The following VAPB variants were observed in gnomAD, a reference collection of about 807,000 sequenced individuals.
The protein encoded by VAPB is vesicle-associated membrane protein-associated protein B/C.
A neutral mutation model predicts 25.6 loss-of-function variants in VAPB; 7 were observed. The ratio of observed to expected loss-of-function variants is 0.27; its 90% CI spans 0.16 to 0.51. The LOEUF is 0.51. VAPB is among the 20% of genes least tolerant of loss of function. VAPB has a pLI of 0.97. For missense variants in VAPB, 266 were observed against 301.3 expected (o/e 0.88, Z 0.87); for synonymous variants, 112 against 109.2 (o/e 1.03, Z -0.16).
intron 1 of VAPB, among the ~76,000 whole-genome samples, chr20:58,394,321 T>G (rs1407385026): frequency 1.3e-5 from 2 of 152,252 alleles, no homozygotes; most frequent in East Asian, 1.9e-4. Flanking sequence ...TAAGATTGTT[T>G]AGGAAGTTAA....
intron 1 of VAPB, among the ~76,000 whole-genome samples, chr20:58,409,539 T>G (rs1367836688): frequency 6.6e-6 from 1 of 152,164 alleles, no homozygotes; most frequent in African/African-American, 2.4e-5. Flanking sequence ...AAGGTAATCT[T>G]TTTAGAGTTG....
chr20:58,435,559 C>T (rs987314636), intron 3 of VAPB, among the ~76,000 whole-genome samples: 1 of 152,198 alleles, frequency 6.6e-6, no homozygotes, highest in Admixed American at 6.5e-5. Context: ...CTGTTCATCA[C>T]ACCATACTGC....
intron 2 of VAPB, among the ~76,000 whole-genome samples, chr20:58,430,636 C>T (rs1347147347): frequency 6.6e-6 from 1 of 151,388 alleles, no homozygotes; most frequent in Non-Finnish European, 1.5e-5. Flanking sequence ...AGTGCAGTGG[C>T]GCCGTCTTGG....
chr20:58,427,828 AC>A (rs1988836543), intron 2 of VAPB, among the ~76,000 whole-genome samples: 1 of 151,508 alleles, frequency 6.6e-6, no homozygotes, highest in African/African-American at 2.4e-5. Flanking sequence ...GTGATCTGTT[AC>A]CATTATGATG....
intron 4 of VAPB, chr20:58,439,509 TTGATATTTGG>T (rs1989116413): frequency 5.3e-6 from 1 of 186,944 alleles, no homozygotes; most frequent in Non-Finnish European, 1.1e-5. Context: ...CTCAACACTG[TTGATATTTGG>T]GGCAAATCCT....
chr20:58,422,044 A>G (rs892576022), intron 2 of VAPB, among the ~76,000 whole-genome samples: 3 of 152,226 alleles, frequency 2.0e-5, no homozygotes, highest in Non-Finnish European at 4.4e-5. Flanking sequence ...ACAGTTGGAC[A>G]CAGGCATAAC....
chr20:58,423,281 C>T (rs1402047883), intron 2 of VAPB, among the ~76,000 whole-genome samples: 1 of 151,664 alleles, frequency 6.6e-6, no homozygotes, highest in Non-Finnish European at 1.5e-5. Flanking sequence ...CATGCTGGCA[C>T]ATGCCTGTAA....
intron 2 of VAPB, 94 bp downstream of exon 2, chr20:58,418,457 A>T (rs1304295111): frequency 5.4e-6 from 8 of 1,494,746 alleles, no homozygotes; most frequent in Middle Eastern, 2.4e-4. Context: ...TAGCAGAAGA[A>T]GATGATAGAA....
intron 2 of VAPB, among the ~76,000 whole-genome samples, chr20:58,432,871 A>G (rs1988957609): frequency 6.6e-6 from 1 of 152,200 alleles, no homozygotes; most frequent in South Asian, 2.1e-4. Flanking sequence ...GATGCCAGAG[A>G]AAGAGTTATG....
rs1194579160 is a variant in VAPB, at chr20:58,448,874, CAGTCCG to C, written c.*4640_*4645del. 2.2e-6 allele frequency: 1 copy of C among 453,916 alleles called. No homozygotes were observed. The highest frequency in any genetic ancestry group is 6.9e-5 in the East Asian group (1 of 14,412). The allele number at this position is 453,916 out of a possible 1,614,324, so 28.1% of individuals were successfully genotyped here. On this transcript the variant is annotated 3_prime_UTR_variant, in exon 6 of 6. Coordinates refer to ENST00000475243, the MANE Select transcript of VAPB (RefSeq NM_004738.5). ...TTGGGGGCTTTAGAAAGAATATTGC[CAGTCCG>C]TCTCGGCAAGGAGATGATGGGAGCG...
intron 2 of VAPB, among the ~76,000 whole-genome samples, chr20:58,423,414 C>A (rs1262018380): frequency 4.3e-4 from 15 of 34,750 alleles, no homozygotes; most frequent in Non-Finnish European, 5.0e-4. Context: ...CTCCATCTCA[C>A]AAAAAAAAAA....
intron 3 of VAPB, among the ~76,000 whole-genome samples, chr20:58,435,119 G>C (rs774162822): frequency 5.3e-5 from 8 of 152,070 alleles, no homozygotes; most frequent in Non-Finnish European, 1.0e-4. Context: ...TGTCAGTGCT[G>C]AATGTCCTCA....
chr20:58,428,674 G>C (rs964628788), intron 2 of VAPB, among the ~76,000 whole-genome samples: 1 of 152,140 alleles, frequency 6.6e-6, no homozygotes, highest in African/African-American at 2.4e-5. Context: ...CTCTTTTATA[G>C]TCTGCCATGG....
chr20:58,449,695 CAT>C lies in VAPB; in HGVS notation c.*5461_*5462del, dbSNP rs1481008830. 1 of 453,940 alleles carries C rather than the reference CAT, an allele frequency of 2.2e-6. No homozygotes were observed. The highest frequency in any genetic ancestry group is 4.4e-6 in the Non-Finnish European group (1 of 226,774). 28.1% of individuals were successfully genotyped at this position (453,940 alleles called of 1,614,324 possible). A position where few individuals can be genotyped will look rare whatever the true frequency, so the allele number is the denominator to read the frequency against. ...TGATGTTTATTTTTAAACCAGGAAA[CAT>C]TGATCCTGTAACAATGCCCGATTAC... On this transcript the variant is annotated 3_prime_UTR_variant, in exon 6 of 6. Transcript: ENST00000475243.
At position 58,444,174 on chromosome 20, in the gene VAPB, T is replaced by C; in HGVS notation, c.671T>C (p.Leu224Pro). 6.2e-7 allele frequency: 1 copy of C among 1,614,220 alleles called. No individual in the cohort carries two copies. Among genetic ancestry groups the C allele is most frequent in the Non-Finnish European group, 8.5e-7 (1 of 1,180,036 alleles). The change falls in exon 6 of 6, where the codon CTC becomes CCC. Residue 224 changes from leucine (L) to proline (P), a missense_variant. By Grantham distance (98) the Leu-to-Pro change is moderately conservative. This residue lies in a region of VAPB where 136 missense variants were observed against 130.7 expected (regional missense o/e 1.04). Coordinates refer to ENST00000475243, the MANE Select transcript of VAPB (RefSeq NM_004738.5). ...AAGGAAGAAGGCCTTAGCACCCGGCTCTTGGCTCTGGTGGTTTTGTTCTTT... is the reference window on the plus strand; with the variant it reads ...AAGGAAGAAGGCCTTAGCACCCGGCCCTTGGCTCTGGTGGTTTTGTTCTTT... ...TGKEEGLSTR[L>P]LALVVLFFIV...
intron 3 of VAPB, 91 bp from the exon 4 acceptor site, chr20:58,438,854 G>T: frequency 9.3e-7 from 1 of 1,071,806 alleles, no homozygotes; most frequent in South Asian, 1.3e-5. Flanking sequence ...TTCTCATTAA[G>T]AGTATTTTTC....
intron 1 of VAPB, among the ~76,000 whole-genome samples, chr20:58,417,275 GTAT>G (rs1332023830): frequency 6.6e-6 from 1 of 152,164 alleles, no homozygotes; most frequent in Non-Finnish European, 1.5e-5. Context: ...AATAGGAATA[GTAT>G]TATTTCATTA....
At position 58,444,467 on chromosome 20, in the gene VAPB, G is replaced by T; in HGVS notation, c.*232G>T. 1.6e-6 allele frequency: 1 copy of T among 636,858 alleles called. No homozygotes were observed. The highest frequency in any genetic ancestry group is 2.9e-6 in the Non-Finnish European group (1 of 346,390). 39.5% of individuals were successfully genotyped at this position (636,858 alleles called of 1,614,324 possible). On this transcript the variant is annotated 3_prime_UTR_variant, in exon 6 of 6. Coordinates refer to ENST00000475243, the MANE Select transcript of VAPB (RefSeq NM_004738.5). ...GTAACTGATTGAGGGGGAAAAGAAT[G>T]ATCTTTATTAATGACAAGGGAAACC...
In VAPB at chr20:58,407,029, C is replaced by T. The variant is rs1018804195; in HGVS notation, c.59-11182C>T. 5.9e-5 allele frequency among the ~76,000 whole-genome samples: 9 copies of T among 152,212 alleles called. No individual in the cohort carries two copies. In the South Asian group the frequency reaches 1.2e-3, roughly 21 times the overall value. ...ATTGAAAAAATTCAGTTTATTAAAT[C>T]GTCTAAGATCCTTTTAGAACTGATG... On this transcript the variant is annotated intron_variant, in intron 1 of 5. Transcript: ENST00000475243.
Sources: gnomAD v4.1 joint callset for allele counts (sites outside exome capture counted in the v4.1 genomes callset) on GRCh38, gnomAD v4.1.1 for gene constraint, gnomAD v4.1.1 regional missense constraint, MANE v1.5 for transcripts, NCBI Gene and HGNC (gene_info 2026-07-23, HGNC 2026-07-21) for gene names.